C8A: variants seen among roughly 807,000 people sequenced by gnomAD.
C8A encodes the protein complement C8 alpha chain.
Under a neutral mutation model 65.3 loss-of-function variants are expected in C8A, and 67 were observed. The ratio of observed to expected loss-of-function variants is 1.03; its 90% CI spans 0.84 to 1.26. The LOEUF is 1.26. C8A is among the 50% of genes most tolerant of loss of function. C8A has a pLI of 0.00. For synonymous variants in C8A, 290 were observed against 259.4 expected (o/e 1.12, Z -1.13); for missense variants, 781 against 723.9 (o/e 1.08, Z -0.90).
chr1:56,901,950 A>G (rs1644429814), intron 7 of C8A, among the ~76,000 whole-genome samples: 1 of 152,036 alleles, frequency 6.6e-6, no homozygotes. Context: ...AGTCATCTTT[A>G]TTTCTCAACT....
intron 10 of C8A, among the ~76,000 whole-genome samples, chr1:56,915,739 G>C (rs1644545463): frequency 6.6e-6 from 1 of 152,200 alleles, no homozygotes; most frequent in Non-Finnish European, 1.5e-5. Context: ...ATTTGCTCAA[G>C]GTCACCTAGC....
intron 8 of C8A, among the ~76,000 whole-genome samples, chr1:56,907,561 A>G (rs1298125381): frequency 6.6e-6 from 1 of 152,194 alleles, no homozygotes; most frequent in Non-Finnish European, 1.5e-5. Flanking sequence ...CTGTGCCCAC[A>G]TTGAGTCCTA....
chr1:56,904,480 C>T (rs1476322725), intron 7 of C8A, among the ~76,000 whole-genome samples: 1 of 152,198 alleles, frequency 6.6e-6, no homozygotes, highest in Non-Finnish European at 1.5e-5. Context: ...CTACATTGCC[C>T]AATATGCGAT....
intron 7 of C8A, among the ~76,000 whole-genome samples, chr1:56,902,724 T>C (rs554216420): frequency 2.0e-5 from 3 of 152,306 alleles, no homozygotes; most frequent in Admixed American, 6.5e-5. Flanking sequence ...ATATCTAATA[T>C]AAGTGGAATC....
At chr1:56,857,289 G>A (rs1397620575) in intron 1 of C8A, among the ~76,000 whole-genome samples, 1 of 137,392 alleles carries the variant, frequency 7.3e-6, no homozygotes, top group Non-Finnish European at 1.6e-5. Context: ...GTATTTTAAA[G>A]CTCTGTTATT....
chr1:56,890,802 C>A (rs569787976), intron 7 of C8A, among the ~76,000 whole-genome samples: 5 of 152,202 alleles, frequency 3.3e-5, no homozygotes, highest in African/African-American at 9.6e-5. Context: ...CCTCCTTAAG[C>A]ATCACCTTTT....
chr1:56,876,077 G>T lies in C8A; in HGVS notation c.332G>T (p.Arg111Leu). The change falls in exon 4 of 11, where the codon CGC (arginine) becomes CTC (leucine). Residue 111 changes from arginine to leucine, a missense_variant. By Grantham distance (102) the Arg-to-Leu change is moderately radical. Coordinates refer to ENST00000361249, the MANE Select transcript of C8A (RefSeq NM_000562.3). ...QCKETGRCLK[R>L]HLVCNGDQDC... ...TTCTCTCCAGGTCGCTGCCTGAAAC[G>T]CCACCTTGTGTGTAATGGAGACCAG... 1 of 1,613,642 alleles carries T rather than the reference G, an allele frequency of 6.2e-7. No individual in the cohort carries two copies. Among genetic ancestry groups the T allele is most frequent in the Non-Finnish European group, 8.5e-7 (1 of 1,179,786 alleles).
intron 7 of C8A, among the ~76,000 whole-genome samples, chr1:56,887,269 G>T (rs1398408351): frequency 2.0e-5 from 3 of 152,160 alleles, no homozygotes; most frequent in African/African-American, 7.2e-5. Context: ...GATCCTTGAG[G>T]AATTGACACA....
intron 7 of C8A, among the ~76,000 whole-genome samples, chr1:56,887,912 T>C (rs1309367815): frequency 1.3e-5 from 2 of 152,032 alleles, no homozygotes; most frequent in Non-Finnish European, 2.9e-5. Flanking sequence ...AGGTTCTCAC[T>C]CATAAGTGGG....
chr1:56,908,925 T>C lies in C8A; in HGVS notation c.1380+812T>C, dbSNP rs540787175. On this transcript the variant is annotated intron_variant, in intron 9 of 10. Transcript: ENST00000361249. ...TCCACAGAGGAAATATGGAAATGTC[T>C]GGAGATGTTTTTGATATTTTTGTCA... Among the ~76,000 whole-genome samples, 3 of 152,284 alleles carry C rather than the reference T, an allele frequency of 2.0e-5. No homozygotes were observed. The East Asian group carries it at 5.8e-4, about 29-fold the overall frequency.
intron 1 of C8A, among the ~76,000 whole-genome samples, chr1:56,858,105 A>G (rs908790256): frequency 2.0e-5 from 3 of 152,036 alleles, no homozygotes; most frequent in African/African-American, 7.2e-5. Context: ...ATCTTCTACT[A>G]CCCTTCTCAT....
At chr1:56,882,562 T>C (rs771931622) in intron 5 of C8A, among the ~76,000 whole-genome samples, 4 of 152,096 alleles carry the variant, frequency 2.6e-5, no homozygotes, top group Non-Finnish European at 5.9e-5. Flanking sequence ...TAGAGAGAGA[T>C]AGTAGGATCC....
Position 56,906,781 on chromosome 1 carries a change from G to A in C8A, c.1211G>A (p.Gly404Asp), listed in dbSNP as rs773677244. 2 of 1,614,038 alleles carry A rather than the reference G, an allele frequency of 1.2e-6. No homozygotes were observed. Among genetic ancestry groups the A allele is most frequent in the Non-Finnish European group, 8.5e-7 (1 of 1,179,966 alleles). The change falls in exon 8 of 11, where the codon GGT (glycine) becomes GAT (aspartate). Residue 404 changes from glycine to aspartate, a missense_variant. By Grantham distance (94) the Gly-to-Asp change is moderately conservative (BLOSUM62 -1). Coordinates refer to ENST00000361249, the MANE Select transcript of C8A (RefSeq NM_000562.3). ...LSGDHCKKFG[G>D]GKTERARKAM... The stretch of plus-strand genomic sequence containing the variant: ...GGAGACCATTGTAAAAAATTTGGAG[G>A]TGGCAAAACTGGCAAGTGTTTAGTA...
At chr1:56,858,165 T>C (rs1379787746) in intron 1 of C8A, among the ~76,000 whole-genome samples, 1 of 152,150 alleles carries the variant, frequency 6.6e-6, no homozygotes, top group East Asian at 1.9e-4. Flanking sequence ...AATAACACTT[T>C]TAATGTTCTT....
chr1:56,878,620 TA>T (rs1473636631), intron 4 of C8A, among the ~76,000 whole-genome samples: 2 of 152,274 alleles, frequency 1.3e-5, no homozygotes, highest in East Asian at 3.9e-4. Context: ...TTCTTGCTCT[TA>T]TTTTTTTTCT....
chr1:56,869,774 T>G (rs552064996), intron 2 of C8A, among the ~76,000 whole-genome samples: 1 of 152,326 alleles, frequency 6.6e-6, no homozygotes, highest in South Asian at 2.1e-4. Context: ...TTTTAATAAT[T>G]ATCTGTGCTT....
At chr1:56,881,225 T>C (rs1644244647) in intron 4 of C8A, among the ~76,000 whole-genome samples, 3 of 152,232 alleles carry the variant, frequency 2.0e-5, no homozygotes. Context: ...TGACATTATA[T>C]GCTACCTTGC....
chr1:56,881,666 T>C (rs750395081), intron 5 of C8A, 32 bp downstream of exon 5: 7 of 1,594,858 alleles, frequency 4.4e-6, no homozygotes, highest in South Asian at 3.3e-5. Flanking sequence ...CTGAGGCCAC[T>C]GTGGTGTAGG....
intron 1 of C8A, among the ~76,000 whole-genome samples, chr1:56,861,282 A>G (rs762828828): frequency 2.6e-5 from 4 of 152,212 alleles, no homozygotes; most frequent in Non-Finnish European, 4.4e-5. Flanking sequence ...TAAGTTCTAT[A>G]AAGAAAATAA....
Sources: allele counts gnomAD v4.1 joint callset (sites outside exome capture counted in the v4.1 genomes callset), GRCh38; gene constraint gnomAD v4.1.1; transcripts MANE v1.5; gene names NCBI Gene and HGNC (gene_info 2026-07-23, HGNC 2026-07-21).